Variants in SPMAP2L observed in about 807,000 individuals in gnomAD.
The protein encoded by SPMAP2L is sperm microtubule associated protein 2-like.
chr4:56,534,885 C>T, the SPMAP2L span, among the ~76,000 whole-genome samples: 1 of 152,136 alleles, frequency 6.6e-6, no homozygotes, highest in African/African-American at 2.4e-5. Context: ...GCCAAGATTG[C>T]ACCATTGCAA....
At chr4:56,563,783 T>C in the SPMAP2L span, among the ~76,000 whole-genome samples, 107 of 152,296 alleles carry the variant, frequency 7.0e-4, 1 homozygote, top group East Asian at 0.017. Context: ...ACACTAAGTA[T>C]GTATGTGATG....
At chr4:56,534,822 G>C in the SPMAP2L span, among the ~76,000 whole-genome samples, 2 of 152,076 alleles carry the variant, frequency 1.3e-5, no homozygotes, top group Non-Finnish European at 1.5e-5. Context: ...CCAGCTACTC[G>C]GGAGGCTAAG....
the SPMAP2L span, among the ~76,000 whole-genome samples, chr4:56,616,021 T>C: frequency 6.6e-6 from 1 of 152,160 alleles, no homozygotes; most frequent in South Asian, 2.1e-4. Context: ...TAGATCTGAA[T>C]TGGGGCTTGA....
At chr4:56,625,125 G>C in the SPMAP2L span, among the ~76,000 whole-genome samples, 1 of 152,176 alleles carries the variant, frequency 6.6e-6, no homozygotes, top group East Asian at 1.9e-4. Flanking sequence ...AGTCAAAGGA[G>C]ATCATTTAGG....
the SPMAP2L span, among the ~76,000 whole-genome samples, chr4:56,619,403 C>T: frequency 1.3e-5 from 2 of 152,176 alleles, no homozygotes; most frequent in African/African-American, 4.8e-5. Flanking sequence ...TTTCTCCTCC[C>T]CCCAGTGGCT....
At chr4:56,575,557 C>T in the SPMAP2L span, 1 of 1,535,408 alleles carries the variant, frequency 6.5e-7, no homozygotes. Context: ...GGAGATCACT[C>T]CTCCTGCATT....
chr4:56,617,670 G>A, the SPMAP2L span, among the ~76,000 whole-genome samples: 6 of 151,992 alleles, frequency 3.9e-5, no homozygotes, highest in African/African-American at 1.5e-4. Flanking sequence ...CAACATAGGC[G>A]GCTTGTGTTA....
chr4:56,600,547 C>T, the SPMAP2L span, among the ~76,000 whole-genome samples: 3 of 152,314 alleles, frequency 2.0e-5, no homozygotes, highest in Non-Finnish European at 4.4e-5. Context: ...CCGCCTTGGC[C>T]TCCCAAAGTG....
At chr4:56,542,667 A>G in the SPMAP2L span, among the ~76,000 whole-genome samples, 2 of 152,146 alleles carry the variant, frequency 1.3e-5, no homozygotes, top group African/African-American at 4.8e-5. Context: ...CTCAGAATAA[A>G]TTATTTTTGG....
At chr4:56,560,567 C>G in the SPMAP2L span, among the ~76,000 whole-genome samples, 1 of 152,160 alleles carries the variant, frequency 6.6e-6, no homozygotes, top group African/African-American at 2.4e-5. Context: ...GAAGGTGCTA[C>G]AGGAATCTCC....
chr4:56,618,707 A>G, the SPMAP2L span, among the ~76,000 whole-genome samples: 3 of 152,200 alleles, frequency 2.0e-5, no homozygotes, highest in South Asian at 4.1e-4. Flanking sequence ...ACAGTTCAAG[A>G]TGAGATTTGG....
chr4:56,586,520 A>T, the SPMAP2L span, among the ~76,000 whole-genome samples: 7 of 152,146 alleles, frequency 4.6e-5, no homozygotes, highest in African/African-American at 1.7e-4. Flanking sequence ...GGGCTTCAAC[A>T]TGTGAATTTC....
the SPMAP2L span, among the ~76,000 whole-genome samples, chr4:56,606,664 A>G: frequency 6.6e-6 from 1 of 152,130 alleles, no homozygotes; most frequent in Admixed American, 6.5e-5. Context: ...CTCAAACAGA[A>G]AGAAATAGGA....
the SPMAP2L span, chr4:56,592,920 A>G: frequency 6.2e-7 from 1 of 1,607,150 alleles, no homozygotes; most frequent in Non-Finnish European, 8.5e-7. Context: ...GCGAGCATTG[A>G]TGAATTGATC....
chr4:56,578,545 A>G, the SPMAP2L span, among the ~76,000 whole-genome samples: 4 of 152,178 alleles, frequency 2.6e-5, no homozygotes, highest in African/African-American at 9.7e-5. Flanking sequence ...CACTCCAATA[A>G]AAAGACAGGA....
chr4:56,569,003 T>A, the SPMAP2L span, among the ~76,000 whole-genome samples: 1 of 152,258 alleles, frequency 6.6e-6, no homozygotes, highest in Non-Finnish European at 1.5e-5. Context: ...TTTGTTTTTA[T>A]GGCTAAGCAA....
At chr4:56,572,768 C>A in the SPMAP2L span, among the ~76,000 whole-genome samples, 1 of 152,034 alleles carries the variant, frequency 6.6e-6, no homozygotes, top group South Asian at 2.1e-4. Context: ...GTAATCCCAG[C>A]ACTTTGGGAG....
At chr4:56,562,698 CT>C in the SPMAP2L span, among the ~76,000 whole-genome samples, 2 of 151,120 alleles carry the variant, frequency 1.3e-5, no homozygotes, top group South Asian at 4.1e-4. Flanking sequence ...TAATTCTGTA[CT>C]GTATAATAAG....
chr4:56,613,816 A>G, the SPMAP2L span, among the ~76,000 whole-genome samples: 17 of 152,226 alleles, frequency 1.1e-4, no homozygotes, highest in Non-Finnish European at 1.0e-4. Flanking sequence ...AGAATTGTAC[A>G]TTCTGAAATA....
Sources: gnomAD v4.1 joint callset for allele counts (sites outside exome capture counted in the v4.1 genomes callset) on GRCh38, gnomAD v4.1.1 for gene constraint, MANE v1.5 for transcripts, NCBI Gene and HGNC (gene_info 2026-07-23, HGNC 2026-07-21) for gene names.